Variants in PPP1R9A observed in about 807,000 individuals in gnomAD.
PPP1R9A encodes the protein protein phosphatase 1 regulatory subunit 9A.
Under a neutral mutation model 141.9 loss-of-function variants are expected in PPP1R9A, and 59 were observed. The ratio of observed to expected loss-of-function variants is 0.42; its 90% CI spans 0.34 to 0.52. The LOEUF is 0.52. Ranked by LOEUF, PPP1R9A falls within the 20% of genes least tolerant of loss-of-function variation. The pLI is 0.10. For synonymous variants in PPP1R9A, 500 were observed against 569.7 expected (o/e 0.88, Z 1.74); for missense variants, 1,444 against 1,611.9 (o/e 0.90, Z 1.78).
At chr7:94,938,019 T>G (rs962448370) in intron 2 of PPP1R9A, among the ~76,000 whole-genome samples, 1 of 152,156 alleles carries the variant, frequency 6.6e-6, no homozygotes, top group African/African-American at 2.4e-5. Flanking sequence ...CACTATAGTT[T>G]TCTATATCAG....
At chr7:94,968,660 G>A (rs570246486) in intron 2 of PPP1R9A, among the ~76,000 whole-genome samples, 1 of 152,232 alleles carries the variant, frequency 6.6e-6, no homozygotes, top group Non-Finnish European at 1.5e-5. Flanking sequence ...GCCAGTCTGT[G>A]TCTTTTAATT....
At chr7:95,177,746 T>G (rs1833111304) in intron 5 of PPP1R9A, among the ~76,000 whole-genome samples, 2 of 151,852 alleles carry the variant, frequency 1.3e-5, no homozygotes, top group Non-Finnish European at 2.9e-5. Context: ...AGACAAAACT[T>G]TAAAGCAACA....
chr7:95,259,571 C>G (rs971671532), intron 12 of PPP1R9A, among the ~76,000 whole-genome samples: 13 of 148,898 alleles, frequency 8.7e-5, no homozygotes, highest in African/African-American at 3.4e-4. Context: ...TCAAAATCAG[C>G]AGCTCTTTTC....
At chr7:94,941,765 G>A (rs1371022136) in intron 2 of PPP1R9A, among the ~76,000 whole-genome samples, 1 of 151,902 alleles carries the variant, frequency 6.6e-6, no homozygotes, top group African/African-American at 2.4e-5. Context: ...AATTATATAT[G>A]TCTTACAAAT....
chr7:95,239,825 CA>C, intron 8 of PPP1R9A, among the ~76,000 whole-genome samples: 1 of 151,212 alleles, frequency 6.6e-6, no homozygotes, highest in Non-Finnish European at 1.5e-5. Flanking sequence ...AAATTAAGAA[CA>C]AAATATAATT....
At chr7:95,241,460 C>T (rs1797450182) in intron 8 of PPP1R9A, among the ~76,000 whole-genome samples, 1 of 152,168 alleles carries the variant, frequency 6.6e-6, no homozygotes, top group African/African-American at 2.4e-5. Context: ...AATTCAACTT[C>T]ATGACTCTTT....
intron 2 of PPP1R9A, among the ~76,000 whole-genome samples, chr7:94,945,716 A>T (rs1795824283): frequency 6.6e-6 from 1 of 152,062 alleles, no homozygotes; most frequent in African/African-American, 2.4e-5. Context: ...TTTTGCTAAA[A>T]CAATTTGAAC....
At chr7:95,182,597 T>G (rs371238802) in intron 5 of PPP1R9A, among the ~76,000 whole-genome samples, 3 of 152,340 alleles carry the variant, frequency 2.0e-5, no homozygotes, top group African/African-American at 7.2e-5. Flanking sequence ...CTTTTAGTTT[T>G]GTGATTTTGA....
chr7:95,179,025 G>A (rs957316527), intron 5 of PPP1R9A, among the ~76,000 whole-genome samples: 1 of 152,076 alleles, frequency 6.6e-6, no homozygotes, highest in African/African-American at 2.4e-5. Flanking sequence ...ATCATTCTAT[G>A]AAGCCGGCAT....
intron 8 of PPP1R9A, among the ~76,000 whole-genome samples, chr7:95,226,712 G>A (rs1160966597): frequency 6.6e-6 from 1 of 152,168 alleles, no homozygotes; most frequent in Non-Finnish European, 1.5e-5. Flanking sequence ...CCCTGACTCT[G>A]CTTTCCTTTT....
intron 2 of PPP1R9A, among the ~76,000 whole-genome samples, chr7:94,941,610 A>T (rs1563023223): frequency 1.4e-5 from 2 of 145,164 alleles, no homozygotes; most frequent in African/African-American, 5.0e-5. Context: ...ATCAGCAACT[A>T]TTTTTTTTTT....
chr7:95,205,676 G>C lies in PPP1R9A; in HGVS notation c.1956+1946G>C, dbSNP rs1790635125. Among the ~76,000 whole-genome samples the C allele has an allele frequency of 2.0e-5, 3 of 152,102 alleles. No individual in the cohort carries two copies. The South Asian group carries it at 6.2e-4, about 32-fold the overall frequency. On this transcript the variant is annotated intron_variant, in intron 7 of 19. Coordinates refer to ENST00000433360, the MANE Select transcript of PPP1R9A (RefSeq NM_001166160.2). The stretch of plus-strand genomic sequence containing the variant: ...CTAGTACACTGACTCTGTTGCCCTT[G>C]TATGTCAGCTTAATCCTGTGCACCT...
At chr7:95,270,790 A>G (rs1802053209) in intron 14 of PPP1R9A, among the ~76,000 whole-genome samples, 1 of 152,214 alleles carries the variant, frequency 6.6e-6, no homozygotes, top group South Asian at 2.1e-4. Context: ...TGTGTGGTTA[A>G]TAACACATTA....
chr7:95,178,023 G>C (rs1446285728), intron 5 of PPP1R9A, among the ~76,000 whole-genome samples: 2 of 151,276 alleles, frequency 1.3e-5, no homozygotes, highest in Non-Finnish European at 3.0e-5. Flanking sequence ...CTATACCTTG[G>C]AACAAATAGA....
chr7:95,146,621 T>G (rs986527183), intron 4 of PPP1R9A, among the ~76,000 whole-genome samples: 1 of 152,246 alleles, frequency 6.6e-6, no homozygotes, highest in Non-Finnish European at 1.5e-5. Flanking sequence ...AGTGTTTTTA[T>G]GGTTTTAGGT....
At chr7:95,210,862 C>T (rs1415433183) in intron 7 of PPP1R9A, among the ~76,000 whole-genome samples, 1 of 152,024 alleles carries the variant, frequency 6.6e-6, no homozygotes, top group Non-Finnish European at 1.5e-5. Flanking sequence ...ATGGTTGAAG[C>T]TGGAAACCAT....
At chr7:95,072,818 AATTAT>A (rs1335130495) in intron 2 of PPP1R9A, among the ~76,000 whole-genome samples, 1 of 66,734 alleles carries the variant, frequency 1.5e-5, no homozygotes, top group Non-Finnish European at 2.7e-5. Flanking sequence ...TATATATAAT[AATTAT>A]TATATATATA....
At chr7:95,283,511 C>T (rs1804673926) in intron 16 of PPP1R9A, among the ~76,000 whole-genome samples, 1 of 152,144 alleles carries the variant, frequency 6.6e-6, no homozygotes. Context: ...GGTGAAAAAC[C>T]AATAAACTAC....
At chr7:95,236,939 A>G (rs1309602266) in intron 8 of PPP1R9A, among the ~76,000 whole-genome samples, 1 of 150,530 alleles carries the variant, frequency 6.6e-6, no homozygotes, top group African/African-American at 2.4e-5. Flanking sequence ...GTTTTTTTTC[A>G]TTTTCCAGAC....
Sources: gnomAD v4.1 joint callset for allele counts (sites outside exome capture counted in the v4.1 genomes callset) on GRCh38, gnomAD v4.1.1 for gene constraint, MANE v1.5 for transcripts, NCBI Gene and HGNC (gene_info 2026-07-23, HGNC 2026-07-21) for gene names.